Variants in ZYG11B observed in about 807,000 individuals in gnomAD.
ZYG11B encodes zyg-11 family member B, cell cycle regulator, also known as protein zyg-11 homolog B.
In ZYG11B, 36 loss-of-function variants were observed where a neutral mutation model predicts 82.4. That is an observed-to-expected ratio of 0.44 (90% CI 0.33 to 0.58). The LOEUF is 0.58. Among genes scored for constraint, ZYG11B ranks in the 20% least tolerant of loss-of-function variants. The pLI, the probability that ZYG11B is intolerant of heterozygous loss-of-function variation, is 0.02. For synonymous variants in ZYG11B, 303 were observed against 312.8 expected, an observed-to-expected ratio of 0.97 and a Z score of 0.33; for missense variants, 552 against 895.6, an observed-to-expected ratio of 0.62 and a Z score of 4.90.
intron 10 of ZYG11B, among the ~76,000 whole-genome samples, chr1:52,812,044 A>G (rs574575063): frequency 4.5e-4 from 68 of 151,980 alleles, no homozygotes; most frequent in Non-Finnish European, 4.4e-4. Context: ...AAAAAAATTT[A>G]CATTTAGGTC....
Position 52,825,057 on chromosome 1 carries a change from A to G in ZYG11B, c.*3428A>G, listed in dbSNP as rs1370452492. The G allele has an allele frequency of 6.6e-6, 1 of 152,180 alleles. No individual in the cohort carries two copies. The highest frequency in any genetic ancestry group is 6.5e-5 in the Admixed American group (1 of 15,278). The allele number at this position is 152,180 out of a possible 1,614,324, so 9.4% of individuals were successfully genotyped here. A position where few individuals can be genotyped will look rare whatever the true frequency, so the allele number is the denominator to read the frequency against. ...TAAAGGAAATGGAATTTGACTTTTT[A>G]GAGTATAATGATGTTCTAGGGCATA... On this transcript the variant is annotated 3_prime_UTR_variant, in exon 14 of 14. Coordinates refer to ENST00000294353, the MANE Select transcript of ZYG11B (RefSeq NM_024646.3).
At chr1:52,786,044 AAAAGAATAAGCCC>A (rs1334135317) in intron 5 of ZYG11B, among the ~76,000 whole-genome samples, 1 of 152,228 alleles carries the variant, frequency 6.6e-6, no homozygotes, top group Admixed American at 6.5e-5. Flanking sequence ...GAGAAACAAC[AAAAGAATAAGCCC>A]AAAGAAAGTA....
At chr1:52,745,896 T>A (rs753323548) in intron 1 of ZYG11B, among the ~76,000 whole-genome samples, 36 of 151,134 alleles carry the variant, frequency 2.4e-4, no homozygotes, top group Non-Finnish European at 4.1e-4. Context: ...TTGACGGAAT[T>A]TTACTCTTGT....
intron 6 of ZYG11B, among the ~76,000 whole-genome samples, chr1:52,793,241 C>T (rs900894432): frequency 2.0e-5 from 3 of 151,870 alleles, no homozygotes; most frequent in Non-Finnish European, 4.4e-5. Flanking sequence ...CGCAGTGGCT[C>T]ATGGAGAATG....
At chr1:52,785,259 A>G (rs1417579817) in intron 5 of ZYG11B, among the ~76,000 whole-genome samples, 4 of 152,188 alleles carry the variant, frequency 2.6e-5, no homozygotes, top group African/African-American at 4.8e-5. Flanking sequence ...GGGACATAAT[A>G]CAAGCCATAC....
chr1:52,791,012 C>G (rs1361172330), intron 6 of ZYG11B, among the ~76,000 whole-genome samples: 1 of 151,778 alleles, frequency 6.6e-6, no homozygotes, highest in Non-Finnish European at 1.5e-5. Context: ...CACTCTGTCA[C>G]CCAGGCTGGA....
intron 4 of ZYG11B, among the ~76,000 whole-genome samples, chr1:52,781,589 A>G (rs1644857060): frequency 6.6e-6 from 1 of 152,340 alleles, no homozygotes. Flanking sequence ...CTACGTTTTA[A>G]TAAGCCCCCA....
chr1:52,787,724 CT>C (rs1644925539), intron 5 of ZYG11B, among the ~76,000 whole-genome samples: 1 of 151,770 alleles, frequency 6.6e-6, no homozygotes, highest in Non-Finnish European at 1.5e-5. Flanking sequence ...GAAGCACTGT[CT>C]TATGCCTACA....
chr1:52,793,507 A>G (rs942638124), intron 6 of ZYG11B, among the ~76,000 whole-genome samples: 10 of 152,206 alleles, frequency 6.6e-5, no homozygotes, highest in Admixed American at 3.9e-4. Context: ...CAAAAAGTTA[A>G]TAAGTGGTGG....
rs1644437646 is a variant in ZYG11B, at chr1:52,742,391, G to T, written c.31-14067G>T. 1.3e-5 allele frequency among the ~76,000 whole-genome samples: 2 copies of T among 152,116 alleles called. 1 individual carries two copies. The highest frequency in any genetic ancestry group is 4.2e-4 in the South Asian group (2 of 4,816). Reference sequence around the variant, plus strand: ...CTCTTGAGCCTGGGAAGTCGAGGCTGCAGTGAGTTGTGATTATGCTATTGT... The same window carrying T: ...CTCTTGAGCCTGGGAAGTCGAGGCTTCAGTGAGTTGTGATTATGCTATTGT... On this transcript the variant is annotated intron_variant, in intron 1 of 13. Transcript: ENST00000294353.
At chr1:52,735,884 A>G (rs1644374574) in intron 1 of ZYG11B, among the ~76,000 whole-genome samples, 2 of 152,200 alleles carry the variant, frequency 1.3e-5, no homozygotes, top group Non-Finnish European at 2.9e-5. Context: ...CTTGAGAGAC[A>G]GGACAGTAAC....
In ZYG11B at chr1:52,817,551, TTTTTTTGTA is replaced by T. The variant is rs1439704238; in HGVS notation, c.2044+932_2044+940del. 1.7e-3 allele frequency among the ~76,000 whole-genome samples: 262 copies of T among 150,262 alleles called. 2 individuals are homozygous for T. Among genetic ancestry groups the T allele is most frequent in the Middle Eastern group, 3.5e-3 (1 of 288 alleles). On this transcript the variant is annotated intron_variant, in intron 13 of 13. Transcript: ENST00000294353. ...CAAGTGCACGTCACCATACCTGGCT[TTTTTTTGTA>T]TTTTTTGTAGAGATGGGGTTTCATC...
intron 1 of ZYG11B, among the ~76,000 whole-genome samples, chr1:52,734,148 C>G (rs552563750): frequency 2.0e-5 from 3 of 152,172 alleles, no homozygotes; most frequent in South Asian, 4.1e-4. Flanking sequence ...CAGGCATATG[C>G]CAGCATGCCC....
chr1:52,776,313 T>C (rs1256098585), intron 3 of ZYG11B, among the ~76,000 whole-genome samples: 1 of 138,018 alleles, frequency 7.2e-6, no homozygotes, highest in Admixed American at 7.6e-5. Context: ...TGCGGATCAC[T>C]TGAGGCCAAG....
chr1:52,766,695 T>C (rs1220608755), intron 2 of ZYG11B, among the ~76,000 whole-genome samples: 1 of 152,110 alleles, frequency 6.6e-6, no homozygotes, highest in Non-Finnish European at 1.5e-5. Context: ...ACTGCCAGAT[T>C]GGGGTTAATG....
intron 2 of ZYG11B, among the ~76,000 whole-genome samples, chr1:52,770,213 T>C (rs1439659099): frequency 6.6e-6 from 1 of 151,342 alleles, no homozygotes; most frequent in African/African-American, 2.4e-5. Context: ...CATCTCAGCC[T>C]CCCTAGTAGC....
rs1645302229 is a variant in ZYG11B, at chr1:52,823,628, T to A, written c.*1999T>A. 1 of 152,074 alleles carries A rather than the reference T, an allele frequency of 6.6e-6. No homozygotes were observed. Among genetic ancestry groups the A allele is most frequent in the Non-Finnish European group, 1.5e-5 (1 of 68,030 alleles). 9.4% of individuals were successfully genotyped at this position (152,074 alleles called of 1,614,324 possible). On this transcript the variant is annotated 3_prime_UTR_variant, in exon 14 of 14. Coordinates refer to ENST00000294353, the MANE Select transcript of ZYG11B (RefSeq NM_024646.3). Reference sequence around the variant, plus strand: ...GCTAGATATGTTGACCGTTTCCAGGTCTTTTATCTAGTGTAGTTAAGGGAA... The same window carrying A: ...GCTAGATATGTTGACCGTTTCCAGGACTTTTATCTAGTGTAGTTAAGGGAA...
intron 2 of ZYG11B, among the ~76,000 whole-genome samples, chr1:52,767,520 G>T (rs553719491): frequency 3.9e-5 from 6 of 152,042 alleles, no homozygotes; most frequent in African/African-American, 1.4e-4. Flanking sequence ...GGCCAAGATG[G>T]TCTCGATCTC....
In ZYG11B at chr1:52,742,068, G is replaced by C. The variant is rs985174043; in HGVS notation, c.31-14390G>C. On this transcript the variant is annotated intron_variant, in intron 1 of 13. Transcript: ENST00000294353. ...AATCTTTAGAAAAAAGTCACCCAAA[G>C]ATACAATAAAGGAGCACTGTGAAAG... 2.6e-5 allele frequency among the ~76,000 whole-genome samples: 4 copies of C among 152,114 alleles called. No homozygotes were observed. In the South Asian group the frequency reaches 8.3e-4, roughly 32 times the overall value.
Sources: gnomAD v4.1 joint callset for allele counts (sites outside exome capture counted in the v4.1 genomes callset) on GRCh38, gnomAD v4.1.1 for gene constraint, MANE v1.5 for transcripts, NCBI Gene and HGNC (gene_info 2026-07-23, HGNC 2026-07-21) for gene names.